The following RNF228 variants were observed in gnomAD, a reference collection of about 807,000 sequenced individuals.
The protein encoded by RNF228 is ring finger protein 228.
chr2:222,318,074 C>G, the RNF228 span: 2 of 152,188 alleles, frequency 1.3e-5, no homozygotes, highest in African/African-American at 4.8e-5. Flanking sequence ...AGGAGAAAAT[C>G]TAGTTTATAT....
chr2:222,314,833 C>T, the RNF228 span, among the ~76,000 whole-genome samples: 2 of 152,216 alleles, frequency 1.3e-5, no homozygotes, highest in Admixed American at 6.5e-5. Context: ...ATCTTTTTCT[C>T]ATGTTGGAAA....
chr2:222,317,004 T>A, the RNF228 span, among the ~76,000 whole-genome samples: 1 of 152,218 alleles, frequency 6.6e-6, no homozygotes, highest in Non-Finnish European at 1.5e-5. Context: ...ATATGTAAGT[T>A]ACTTCTCTCT....
At chr2:222,314,536 T>G in the RNF228 span, among the ~76,000 whole-genome samples, 4 of 152,250 alleles carry the variant, frequency 2.6e-5, no homozygotes, top group Non-Finnish European at 5.9e-5. Flanking sequence ...AATGCATATT[T>G]AGCAAGCATG....
At chr2:222,317,441 C>A in the RNF228 span, 1 of 152,242 alleles carries the variant, frequency 6.6e-6, no homozygotes, top group South Asian at 2.1e-4. Flanking sequence ...TGCATAAATA[C>A]TCGAGGAATA....
the RNF228 span, chr2:222,319,227 G>C: frequency 3.1e-6 from 1 of 325,864 alleles, no homozygotes. This position sits in a 1 kb window ranked among gnomAD's most constrained non-coding sequence, Gnocchi z 7.6. Flanking sequence ...CGAGGGCGAG[G>C]GCGACCCGGT....
At chr2:222,315,348 T>A in the RNF228 span, among the ~76,000 whole-genome samples, 4,356 of 152,252 alleles carry the variant, frequency 0.029, 90 homozygotes, top group Middle Eastern at 0.082. Context: ...AGGAGAGTGA[T>A]GAAAAATGCA....
chr2:222,315,900 T>C, the RNF228 span, among the ~76,000 whole-genome samples: 2 of 152,180 alleles, frequency 1.3e-5, no homozygotes, highest in African/African-American at 4.8e-5. Context: ...CCTGTAGCCC[T>C]AGAACCTAGG....
At chr2:222,319,996 C>T in the RNF228 span, among the ~76,000 whole-genome samples, 1 of 152,148 alleles carries the variant, frequency 6.6e-6, no homozygotes, top group South Asian at 2.1e-4. This position sits in a 1 kb window ranked among gnomAD's most constrained non-coding sequence, Gnocchi z 7.6. Context: ...ACCCCAGCTC[C>T]CTCCCGGCTC....
chr2:222,314,277 G>A, the RNF228 span, among the ~76,000 whole-genome samples: 1 of 152,154 alleles, frequency 6.6e-6, no homozygotes, highest in Non-Finnish European at 1.5e-5. Context: ...AAAACTGATT[G>A]GATGAAACAA....
the RNF228 span, chr2:222,318,369 T>C: frequency 6.6e-6 from 1 of 152,246 alleles, no homozygotes; most frequent in Non-Finnish European, 1.5e-5. Flanking sequence ...ACCTGCCCCA[T>C]CGCGCCCAGC....
chr2:222,314,522 G>A, the RNF228 span, among the ~76,000 whole-genome samples: 95 of 152,318 alleles, frequency 6.2e-4, no homozygotes, highest in Non-Finnish European at 1.1e-3. Context: ...AAAGGAAGAC[G>A]TGTAATGCAT....
At chr2:222,316,701 T>C in the RNF228 span, among the ~76,000 whole-genome samples, 2 of 152,250 alleles carry the variant, frequency 1.3e-5, no homozygotes, top group Non-Finnish European at 2.9e-5. Context: ...ATATATTTTA[T>C]ACATAATATA....
At chr2:222,315,348 T>C in the RNF228 span, among the ~76,000 whole-genome samples, 1 of 152,140 alleles carries the variant, frequency 6.6e-6, no homozygotes, top group African/African-American at 2.4e-5. Flanking sequence ...AGGAGAGTGA[T>C]GAAAAATGCA....
At chr2:222,318,436 T>G in the RNF228 span, 1 of 152,262 alleles carries the variant, frequency 6.6e-6, no homozygotes, top group Non-Finnish European at 1.5e-5. Context: ...TCCGTCACTC[T>G]CAGCGCTCAG....
chr2:222,318,927 G>C, the RNF228 span: 6 of 152,466 alleles, frequency 3.9e-5, no homozygotes, highest in African/African-American at 1.4e-4. Flanking sequence ...GGGGGCAGCA[G>C]GGAGAGGGTG....
the RNF228 span, among the ~76,000 whole-genome samples, chr2:222,320,002 G>A: frequency 6.6e-6 from 1 of 152,124 alleles, no homozygotes; most frequent in Non-Finnish European, 1.5e-5. Context: ...GCTCCCTCCC[G>A]GCTCCCGGGG....
At chr2:222,315,925 T>C in the RNF228 span, among the ~76,000 whole-genome samples, 2 of 152,142 alleles carry the variant, frequency 1.3e-5, no homozygotes, top group Admixed American at 1.3e-4. Flanking sequence ...ATGTGGCCCA[T>C]GGGGACCAGG....
chr2:222,320,026 T>C, the RNF228 span, among the ~76,000 whole-genome samples: 4 of 152,112 alleles, frequency 2.6e-5, no homozygotes. Flanking sequence ...CTGCTTGGGC[T>C]CTGCTGGCTG....
At chr2:222,318,935 G>T in the RNF228 span, 2 of 152,448 alleles carry the variant, frequency 1.3e-5, no homozygotes, top group African/African-American at 4.8e-5. Flanking sequence ...CAGGGAGAGG[G>T]TGCAGAAGCT....
Sources: gnomAD v4.1 joint callset for allele counts (sites outside exome capture counted in the v4.1 genomes callset) on GRCh38, gnomAD v4.1.1 for gene constraint, Gnocchi (gnomAD v3.1) non-coding constraint, MANE v1.5 for transcripts, NCBI Gene and HGNC (gene_info 2026-07-23, HGNC 2026-07-21) for gene names.